The following PTPRT variants were observed in gnomAD, a reference collection of about 807,000 sequenced individuals.
PTPRT encodes the protein receptor-type tyrosine-protein phosphatase T.
A neutral mutation model predicts 176.8 loss-of-function variants in PTPRT; 56 were observed. The observed-to-expected ratio is 0.32, with a 90% confidence interval of 0.26 to 0.40. PTPRT has a LOEUF of 0.40. PTPRT is among the 10% of genes least tolerant of loss of function. The pLI, the probability that PTPRT is intolerant of heterozygous loss-of-function variation, is 1.00. For missense variants in PTPRT, 1,540 were observed against 1,908.2 expected, an observed-to-expected ratio of 0.81 and a Z score of 3.60; for synonymous variants, 783 against 739.0, an observed-to-expected ratio of 1.06 and a Z score of -0.96.
chr20:42,290,004 T>A (rs1447800012), intron 12 of PTPRT, among the ~76,000 whole-genome samples: 1 of 152,070 alleles, frequency 6.6e-6, no homozygotes, highest in African/African-American at 2.4e-5. Flanking sequence ...GTCACTCTCT[T>A]GACCTTCTGA....
At chr20:42,965,760 T>C (rs1357296261) in intron 1 of PTPRT, among the ~76,000 whole-genome samples, 1 of 152,202 alleles carries the variant, frequency 6.6e-6, no homozygotes, top group Non-Finnish European at 1.5e-5. Flanking sequence ...TTGATTTTCT[T>C]TCAATTCATC....
chr20:42,154,132 C>T (rs540248501), intron 17 of PTPRT, among the ~76,000 whole-genome samples: 3 of 152,298 alleles, frequency 2.0e-5, no homozygotes, highest in East Asian at 1.9e-4. Context: ...ATGATTTGGG[C>T]GTGGGCCAGT....
At chr20:42,867,306 T>C (rs1391609317) in intron 2 of PTPRT, among the ~76,000 whole-genome samples, 1 of 151,946 alleles carries the variant, frequency 6.6e-6, no homozygotes, top group Non-Finnish European at 1.5e-5. Flanking sequence ...TGCTAGTCAC[T>C]AGTAGAATTG....
intron 1 of PTPRT, among the ~76,000 whole-genome samples, chr20:43,127,845 G>A (rs893747076): frequency 3.0e-4 from 46 of 152,216 alleles, no homozygotes; most frequent in African/African-American, 9.9e-4. Flanking sequence ...GGTGGGTGAA[G>A]CCCATTCCTT....
chr20:42,245,540 T>G (rs1024564824), intron 14 of PTPRT, among the ~76,000 whole-genome samples: 2 of 152,236 alleles, frequency 1.3e-5, no homozygotes, highest in African/African-American at 4.8e-5. Flanking sequence ...TTTGTTGATA[T>G]TCTCTCTTTT....
chr20:42,972,475 A>G (rs1451872560), intron 1 of PTPRT, among the ~76,000 whole-genome samples: 1 of 151,724 alleles, frequency 6.6e-6, no homozygotes, highest in Non-Finnish European at 1.5e-5. Flanking sequence ...CTGCCTGGCC[A>G]ACATGATGAA....
chr20:42,218,052 CT>C (rs1386090922), intron 15 of PTPRT, among the ~76,000 whole-genome samples: 3 of 152,218 alleles, frequency 2.0e-5, no homozygotes, highest in Non-Finnish European at 2.9e-5. Context: ...GCATGCTCTC[CT>C]CCTCACCCAA....
chr20:43,052,192 C>T (rs181497850), intron 1 of PTPRT, among the ~76,000 whole-genome samples: 24 of 152,286 alleles, frequency 1.6e-4, no homozygotes, highest in South Asian at 8.3e-4. Flanking sequence ...GAGGTAAAAG[C>T]GATTGCCTTT....
chr20:42,790,273 G>A (rs1361155860), intron 3 of PTPRT, among the ~76,000 whole-genome samples: 1 of 152,136 alleles, frequency 6.6e-6, no homozygotes, highest in Admixed American at 6.5e-5. Context: ...AAGACAATGT[G>A]GAGAAATGTT....
At chr20:42,381,030 CTT>C (rs2058694105) in intron 9 of PTPRT, among the ~76,000 whole-genome samples, 1 of 152,200 alleles carries the variant, frequency 6.6e-6, no homozygotes, top group African/African-American at 2.4e-5. Flanking sequence ...GTGCTACACA[CTT>C]TTAAACAACC....
intron 1 of PTPRT, among the ~76,000 whole-genome samples, chr20:43,145,289 G>A (rs1037782802): frequency 1.1e-4 from 16 of 152,144 alleles, no homozygotes; most frequent in African/African-American, 3.6e-4. Flanking sequence ...GAATAAAGTA[G>A]ATTATTGAAG....
At chr20:43,085,615 C>A (rs2011582625) in intron 1 of PTPRT, among the ~76,000 whole-genome samples, 1 of 152,146 alleles carries the variant, frequency 6.6e-6, no homozygotes, top group African/African-American at 2.4e-5. Context: ...TCTTACATGC[C>A]AGCAGGCAAG....
intron 9 of PTPRT, among the ~76,000 whole-genome samples, chr20:42,379,058 A>C (rs2058675469): frequency 6.6e-6 from 1 of 152,174 alleles, no homozygotes; most frequent in Admixed American, 6.5e-5. Context: ...GGAATGCTGC[A>C]TTTCGTTTTG....
intron 7 of PTPRT, among the ~76,000 whole-genome samples, chr20:42,675,288 G>A (rs749415587): frequency 2.0e-5 from 3 of 152,178 alleles, no homozygotes; most frequent in Non-Finnish European, 2.9e-5. Flanking sequence ...GACCAGAAGC[G>A]TTTCAGATTT....
At chr20:42,108,861 A>C (rs1453983013) in intron 23 of PTPRT, among the ~76,000 whole-genome samples, 3 of 152,270 alleles carry the variant, frequency 2.0e-5, no homozygotes, top group African/African-American at 7.2e-5. Context: ...AGATGCATTA[A>C]GATGACCTGC....
At chr20:42,462,099 G>A (rs2071031010) in intron 8 of PTPRT, among the ~76,000 whole-genome samples, 1 of 152,114 alleles carries the variant, frequency 6.6e-6, no homozygotes, top group Non-Finnish European at 1.5e-5. Context: ...AAGGAGGTGA[G>A]GGGGAGGTCA....
chr20:42,763,240 G>T (rs574751116), intron 5 of PTPRT, among the ~76,000 whole-genome samples: 2 of 152,264 alleles, frequency 1.3e-5, no homozygotes, highest in East Asian at 3.9e-4. Context: ...TTCACAAAGA[G>T]GTAAGACAAG....
the PTPRT span, among the ~76,000 whole-genome samples, chr20:42,032,166 A>T: frequency 2.0e-5 from 3 of 151,972 alleles, no homozygotes; most frequent in Admixed American, 2.0e-4. Flanking sequence ...AGAGAGAGAG[A>T]GAGAAGGAAA....
chr20:42,549,586 A>G (rs2072732749), intron 7 of PTPRT, among the ~76,000 whole-genome samples: 1 of 152,194 alleles, frequency 6.6e-6, no homozygotes, highest in African/African-American at 2.4e-5. Context: ...AGATCAACAG[A>G]AAAGTCAGGT....
Sources: gnomAD v4.1 joint callset for allele counts (sites outside exome capture counted in the v4.1 genomes callset) on GRCh38, gnomAD v4.1.1 for gene constraint, MANE v1.5 for transcripts, NCBI Gene and HGNC (gene_info 2026-07-23, HGNC 2026-07-21) for gene names.